PLA2G4A: variants seen among roughly 807,000 people sequenced by gnomAD.
PLA2G4A encodes cytosolic phospholipase A2.
Under a neutral mutation model 81.9 loss-of-function variants are expected in PLA2G4A, and 40 were observed. That is an observed-to-expected ratio of 0.49 (90% CI 0.38 to 0.64). PLA2G4A has a LOEUF of 0.64. Ranked by LOEUF, PLA2G4A falls within the 30% of genes least tolerant of loss-of-function variation. The probability of loss-of-function intolerance (pLI) is 0.00; values close to 1 mark genes in which losing one functional copy is unlikely to be tolerated. For synonymous variants in PLA2G4A, 302 were observed against 296.9 expected (o/e 1.02, Z -0.18); for missense variants, 715 against 905.1 (o/e 0.79, Z 2.69).
At chr1:186,947,048 G>A (rs1006939106) in intron 12 of PLA2G4A, 87 bp downstream of exon 12, 28 of 772,576 alleles carry the variant, frequency 3.6e-5, no homozygotes, top group Non-Finnish European at 5.8e-5. Flanking sequence ...TTAAATCTTT[G>A]TAAATATTTC....
intron 2 of PLA2G4A, among the ~76,000 whole-genome samples, chr1:186,864,564 T>C (rs12747953): frequency 6.6e-6 from 1 of 151,858 alleles, no homozygotes; most frequent in African/African-American, 2.4e-5. Context: ...ATGTTGAGCA[T>C]TTTTTCATAT....
chr1:186,852,790 A>G (rs763460351), intron 1 of PLA2G4A, among the ~76,000 whole-genome samples: 2 of 152,052 alleles, frequency 1.3e-5, no homozygotes, highest in African/African-American at 2.4e-5. Flanking sequence ...TAATAAAACT[A>G]TAGCACTAAA....
chr1:186,906,903 T>A, intron 5 of PLA2G4A, 62 bp from the exon 6 acceptor site: 1 of 836,424 alleles, frequency 1.2e-6, no homozygotes, highest in Admixed American at 2.1e-5. Context: ...TTTGAGTTTG[T>A]TTCCATGATA....
In PLA2G4A at chr1:186,932,794, G is replaced by A. The variant is rs1409304917; in HGVS notation, c.590G>A (p.Gly197Glu). 6.2e-7 allele frequency: 1 copy of A among 1,613,618 alleles called. No homozygotes were observed. The highest frequency in any genetic ancestry group is 1.7e-5 in the Admixed American group (1 of 60,000). The change falls in exon 8 of 18, where the codon GGG becomes GAG. Residue 197 changes from glycine to glutamate, a missense_variant. Physicochemically the swap from Gly to Glu is moderately conservative, Grantham distance 98. Transcript: ENST00000367466. ...VPVVAILGSGGGFRAMVGFSG... is the reference protein window; with the variant it reads ...VPVVAILGSGEGFRAMVGFSG... ...GTGGTAGCCATATTGGGTTCAGGTG[G>A]GGGTTTCCGAGCCATGGTGGGATTC...
intron 6 of PLA2G4A, among the ~76,000 whole-genome samples, chr1:186,909,770 T>A (rs1654877474): frequency 6.6e-6 from 1 of 152,118 alleles, no homozygotes; most frequent in African/African-American, 2.4e-5. Context: ...TTATATACAG[T>A]TCAACAACCG....
chr1:186,922,436 G>T (rs770444150), intron 7 of PLA2G4A, among the ~76,000 whole-genome samples: 12 of 152,166 alleles, frequency 7.9e-5, no homozygotes, highest in Non-Finnish European at 1.8e-4. Context: ...GACTCCAAGT[G>T]CCAGTTCCTT....
At chr1:186,955,413 A>G (rs924661150) in intron 13 of PLA2G4A, among the ~76,000 whole-genome samples, 2 of 152,192 alleles carry the variant, frequency 1.3e-5, no homozygotes, top group Non-Finnish European at 2.9e-5. Context: ...TGTAGAGGAT[A>G]GAATTAACCA....
At chr1:186,964,750 G>A (rs550084682) in intron 14 of PLA2G4A, among the ~76,000 whole-genome samples, 2 of 152,136 alleles carry the variant, frequency 1.3e-5, no homozygotes, top group African/African-American at 4.8e-5. Context: ...AGGTGTACTC[G>A]CAATATGAGC....
At chr1:186,946,995 C>T in intron 12 of PLA2G4A, 34 bp downstream of exon 12, 1 of 1,121,524 alleles carries the variant, frequency 8.9e-7, no homozygotes, top group Non-Finnish European at 1.4e-6. Context: ...TGATACAAAT[C>T]TTGCTACATT....
chr1:186,981,849 C>T (rs987676418), intron 17 of PLA2G4A, among the ~76,000 whole-genome samples: 1 of 151,504 alleles, frequency 6.6e-6, no homozygotes, highest in African/African-American at 2.4e-5. Context: ...AGAAAGAAAG[C>T]GAAGTTAGAA....
At chr1:186,891,427 A>G (rs1401541926) in intron 3 of PLA2G4A, among the ~76,000 whole-genome samples, 1 of 151,918 alleles carries the variant, frequency 6.6e-6, no homozygotes, top group Non-Finnish European at 1.5e-5. Context: ...TTTTGTATCC[A>G]TTAACCATCC....
intron 2 of PLA2G4A, among the ~76,000 whole-genome samples, chr1:186,859,121 G>T (rs911281473): frequency 2.0e-5 from 3 of 152,092 alleles, no homozygotes; most frequent in African/African-American, 7.2e-5. Context: ...ACACAGCTTT[G>T]GTTGCCTCAA....
chr1:186,972,755 G>A lies in PLA2G4A; in HGVS notation c.1765-4838G>A, dbSNP rs529701312. The stretch of plus-strand genomic sequence containing the variant: ...AGGGAAGGAGAGAAGGAAGAAAGAA[G>A]AAAGGAAAATCTGAAATGAGGCAGT... On this transcript the variant is annotated intron_variant, in intron 15 of 17. Coordinates refer to ENST00000367466, the MANE Select transcript of PLA2G4A (RefSeq NM_024420.3). Among the ~76,000 whole-genome samples the A allele has an allele frequency of 1.4e-3, 212 of 152,116 alleles. 3 individuals carry two copies. The highest frequency in any genetic ancestry group is 3.4e-3 in the Middle Eastern group (1 of 294).
intron 17 of PLA2G4A, among the ~76,000 whole-genome samples, chr1:186,982,671 T>TTGTGTGTGTGTGTGCGTGTGTG (rs60587210): frequency 6.6e-6 from 1 of 150,782 alleles, no homozygotes; most frequent in South Asian, 2.1e-4. Context: ...TAACTCCTCT[T>TTGTGTGTGTGTGTGCGTGTGTG]TGTGTGTGTG....
chr1:186,955,695 T>C (rs6691582), intron 13 of PLA2G4A, among the ~76,000 whole-genome samples: 142,074 of 148,384 alleles, frequency 0.96, 68,066 homozygotes, highest in East Asian at 1. Flanking sequence ...TATAGAGCTT[T>C]ATTGTTAATT....
chr1:186,866,666 A>C (rs1653042743), intron 2 of PLA2G4A, among the ~76,000 whole-genome samples: 1 of 152,186 alleles, frequency 6.6e-6, no homozygotes, highest in African/African-American at 2.4e-5. Flanking sequence ...GATAAAAAAT[A>C]TTGCTCATAG....
chr1:186,956,087 T>C lies in PLA2G4A; in HGVS notation c.1337-15T>C. The stretch of plus-strand genomic sequence containing the variant: ...TATTTTGGAGTCTGTATGGTGACCT[T>C]TTATTTTTCCCTAGGCACTGAAAAT... On this transcript the variant is annotated splice_polypyrimidine_tract_variant and intron_variant, in intron 13 of 17. Coordinates refer to ENST00000367466, the MANE Select transcript of PLA2G4A (RefSeq NM_024420.3). 6.2e-7 allele frequency: 1 copy of C among 1,611,860 alleles called. No homozygotes were observed. The highest frequency in any genetic ancestry group is 1.1e-5 in the South Asian group (1 of 91,022).
intron 2 of PLA2G4A, among the ~76,000 whole-genome samples, chr1:186,861,628 C>G (rs1044820141): frequency 4.6e-5 from 7 of 152,028 alleles, no homozygotes; most frequent in African/African-American, 1.7e-4. Context: ...CCAGACAATC[C>G]CAAAAAGTTG....
intron 15 of PLA2G4A, among the ~76,000 whole-genome samples, chr1:186,975,437 C>T (rs201746742): frequency 6.6e-6 from 1 of 152,058 alleles, no homozygotes; most frequent in East Asian, 1.9e-4. Flanking sequence ...AGTGAAAGTT[C>T]AATGAAAAGT....
Sources: allele counts gnomAD v4.1 joint callset (sites outside exome capture counted in the v4.1 genomes callset), GRCh38; gene constraint gnomAD v4.1.1; transcripts MANE v1.5; gene names NCBI Gene and HGNC (gene_info 2026-07-23, HGNC 2026-07-21).